Variants in EYA1 observed in about 807,000 individuals in gnomAD.
The protein encoded by EYA1 is EYA transcriptional coactivator and phosphatase 1, also known as protein phosphatase EYA1.
EYA1 carries 16 observed loss-of-function variants against 82.0 expected under a neutral mutation model. That is an observed-to-expected ratio of 0.20 (90% CI 0.13 to 0.30). The LOEUF is 0.30. Among genes scored for constraint, EYA1 ranks in the 10% least tolerant of loss-of-function variants. The pLI, the probability that EYA1 is intolerant of heterozygous loss-of-function variation, is 1.00. For missense variants in EYA1, 633 were observed against 730.7 expected, an observed-to-expected ratio of 0.87 and a Z score of 1.54; for synonymous variants, 261 against 264.4, an observed-to-expected ratio of 0.99 and a Z score of 0.12.
chr8:71,264,699 C>G (rs1426435316), intron 11 of EYA1, among the ~76,000 whole-genome samples: 1 of 151,828 alleles, frequency 6.6e-6, no homozygotes, highest in African/African-American at 2.4e-5. Context: ...TACCTCAGCC[C>G]TCCCAAGCAG....
intron 1 of EYA1, among the ~76,000 whole-genome samples, chr8:71,545,967 G>A (rs1011721576): frequency 6.6e-6 from 1 of 152,120 alleles, no homozygotes; most frequent in Non-Finnish European, 1.5e-5. Context: ...TCAAGGAACA[G>A]GTCTAATTTA....
At chr8:71,239,081 AGAT>A (rs993347511) in intron 12 of EYA1, among the ~76,000 whole-genome samples, 44 of 152,310 alleles carry the variant, frequency 2.9e-4, no homozygotes, top group Middle Eastern at 3.4e-3. Context: ...GATAAAATAA[AGAT>A]GACAATCTTA....
intron 2 of EYA1, among the ~76,000 whole-genome samples, chr8:71,380,363 G>A (rs1261390929): frequency 1.3e-5 from 2 of 152,184 alleles, no homozygotes; most frequent in African/African-American, 4.8e-5. Flanking sequence ...GTAGCTCATA[G>A]TTTTTATGAC....
chr8:71,482,578 A>G (rs1810245985), intron 2 of EYA1, among the ~76,000 whole-genome samples: 2 of 152,234 alleles, frequency 1.3e-5, no homozygotes, highest in Admixed American at 6.5e-5. Flanking sequence ...TCACCAAATG[A>G]CATTTACAAG....
At chr8:71,539,039 C>G (rs568362707) in intron 1 of EYA1, among the ~76,000 whole-genome samples, 23 of 152,156 alleles carry the variant, frequency 1.5e-4, no homozygotes, top group Admixed American at 1.2e-3. Flanking sequence ...GAGTTGTACA[C>G]AGTGGAATCC....
At chr8:71,543,892 T>C (rs940555788) in intron 1 of EYA1, among the ~76,000 whole-genome samples, 9 of 152,130 alleles carry the variant, frequency 5.9e-5, no homozygotes, top group African/African-American at 1.9e-4. Flanking sequence ...CCTGCTCTAC[T>C]CCAACACCCA....
chr8:71,281,572 G>T (rs1013436396), intron 9 of EYA1, among the ~76,000 whole-genome samples: 8 of 152,330 alleles, frequency 5.3e-5, no homozygotes, highest in Admixed American at 4.6e-4. Flanking sequence ...TGTCTCTGCA[G>T]GGAGTTTTAT....
At chr8:71,480,955 G>A (rs1810099768) in intron 2 of EYA1, among the ~76,000 whole-genome samples, 1 of 151,890 alleles carries the variant, frequency 6.6e-6, no homozygotes, top group African/African-American at 2.4e-5. Flanking sequence ...TCTGGTAAAT[G>A]AATTTTCAAA....
In EYA1 at chr8:71,278,748, G is replaced by C. The variant is rs185420841; in HGVS notation, c.827-6851C>G. 2.6e-5 allele frequency among the ~76,000 whole-genome samples: 4 copies of C among 152,244 alleles called. No individual in the cohort carries two copies. In the East Asian group the frequency reaches 7.7e-4, roughly 29 times the overall value. On this transcript the variant is annotated intron_variant, in intron 9 of 17. Coordinates refer to ENST00000340726, the MANE Select transcript of EYA1 (RefSeq NM_000503.6). Reference sequence around the variant, plus strand: ...GCTGCACGACATGAAGGCCTGGTTGGCTCCTTGAAGATTTAGAGATAAGTG... The same window carrying C: ...GCTGCACGACATGAAGGCCTGGTTGCCTCCTTGAAGATTTAGAGATAAGTG...
chr8:71,335,538 A>C (rs1033757934), intron 3 of EYA1, among the ~76,000 whole-genome samples: 1 of 152,204 alleles, frequency 6.6e-6, no homozygotes, highest in Non-Finnish European at 1.5e-5. Flanking sequence ...AATGTAGACC[A>C]AACAATGGTG....
At chr8:71,429,441 G>C (rs1436587768) in intron 2 of EYA1, among the ~76,000 whole-genome samples, 1 of 151,924 alleles carries the variant, frequency 6.6e-6, no homozygotes, top group Admixed American at 6.6e-5. Flanking sequence ...AGATAATTTA[G>C]GTCAAATTAT....
intron 2 of EYA1, among the ~76,000 whole-genome samples, chr8:71,459,260 C>T (rs988088028): frequency 6.6e-6 from 1 of 152,164 alleles, no homozygotes; most frequent in Non-Finnish European, 1.5e-5. Flanking sequence ...TTGACGGTGG[C>T]CAAACTTTTA....
At chr8:71,329,955 G>C (rs751587670) in intron 4 of EYA1, among the ~76,000 whole-genome samples, 25 of 152,184 alleles carry the variant, frequency 1.6e-4, no homozygotes, top group South Asian at 2.1e-4. Flanking sequence ...GGTGGGCCTC[G>C]ATGAGGTGAG....
At chr8:71,370,597 A>G (rs1490512940) in intron 2 of EYA1, among the ~76,000 whole-genome samples, 5 of 151,830 alleles carry the variant, frequency 3.3e-5, no homozygotes, top group Non-Finnish European at 7.4e-5. Flanking sequence ...AGCAGGTAAT[A>G]GGAAAACAGC....
chr8:71,491,628 T>C (rs1811002817), intron 2 of EYA1, among the ~76,000 whole-genome samples: 1 of 152,230 alleles, frequency 6.6e-6, no homozygotes, highest in South Asian at 2.1e-4. Flanking sequence ...CCAATCCTGC[T>C]GACACCTTGG....
chr8:71,229,634 G>A (rs762773937), intron 12 of EYA1, among the ~76,000 whole-genome samples: 1 of 152,116 alleles, frequency 6.6e-6, no homozygotes, highest in Non-Finnish European at 1.5e-5. Context: ...ATTGAAGTTA[G>A]TTTTGTGGAA....
At chr8:71,306,930 C>T (rs925636178) in intron 7 of EYA1, among the ~76,000 whole-genome samples, 7 of 152,268 alleles carry the variant, frequency 4.6e-5, no homozygotes, top group Admixed American at 2.0e-4. Context: ...ATGGATAAAC[C>T]ATGTCTGACT....
chr8:71,437,217 T>A (rs1363143778), intron 2 of EYA1, among the ~76,000 whole-genome samples: 1 of 151,862 alleles, frequency 6.6e-6, no homozygotes, highest in Non-Finnish European at 1.5e-5. Context: ...GAAAAGCTGT[T>A]ATTTAAGTCA....
intron 2 of EYA1, among the ~76,000 whole-genome samples, chr8:71,486,899 C>T (rs560797602): frequency 5.2e-4 from 78 of 151,180 alleles, no homozygotes; most frequent in Non-Finnish European, 8.8e-4. Flanking sequence ...AACAGAAGTG[C>T]TATTTTCATC....
Sources: gnomAD v4.1 joint callset for allele counts (sites outside exome capture counted in the v4.1 genomes callset) on GRCh38, gnomAD v4.1.1 for gene constraint, MANE v1.5 for transcripts, NCBI Gene and HGNC (gene_info 2026-07-23, HGNC 2026-07-21) for gene names.